Variants in ADAM7 observed in about 807,000 individuals in gnomAD.
ADAM7 encodes the protein ADAM metallopeptidase domain 7.
ADAM7 carries 97 observed loss-of-function variants against 102.9 expected under a neutral mutation model. The ratio of observed to expected loss-of-function variants is 0.94; its 90% CI spans 0.80 to 1.12. The LOEUF (loss-of-function observed/expected upper bound fraction) is 1.12. Ranked by LOEUF, ADAM7 falls within the 50% of genes most tolerant of loss-of-function variation. The pLI is 0.00. For synonymous variants in ADAM7, 334 were observed against 304.4 expected (o/e 1.10, Z -1.01); for missense variants, 991 against 908.7 (o/e 1.09, Z -1.16).
chr8:24,508,422 T>A, intron 21 of ADAM7, 124 bp from the exon 22 acceptor site: 1 of 937,748 alleles, frequency 1.1e-6, no homozygotes, highest in Non-Finnish European at 1.6e-6. Flanking sequence ...AAAGCATGAA[T>A]AAATGTAGGA....
At chr8:24,486,184 C>A (rs574236933) in intron 10 of ADAM7, among the ~76,000 whole-genome samples, 19 of 152,240 alleles carry the variant, frequency 1.2e-4, no homozygotes, top group African/African-American at 4.6e-4. Flanking sequence ...ACATTTTAAA[C>A]TTTATATGAG....
In ADAM7 at chr8:24,491,887, T is replaced by A. The variant is rs771134729; in HGVS notation, c.1357-16T>A. 15 of 1,570,576 alleles carry A rather than the reference T, an allele frequency of 9.6e-6. No individual in the cohort carries two copies. The highest frequency in any genetic ancestry group is 1.2e-5 in the Non-Finnish European group (14 of 1,158,648). On this transcript the variant is annotated splice_polypyrimidine_tract_variant and intron_variant, in intron 13 of 21. Coordinates refer to ENST00000175238, the MANE Select transcript of ADAM7 (RefSeq NM_003817.4). ...AAATGTATCCAGGATTTAGTCTCTT[T>A]GTTTTTCCTCAACAGATAAAAAAAG...
At position 24,455,101 on chromosome 8, in the gene ADAM7, T is replaced by C. The variant is rs1045179740; in HGVS notation, c.233+7839T>C. ...AAACAACCACAAAATAATTATATTC[T>C]ATTTACCTGTTGCATCTAGTTAATG... On this transcript the variant is annotated intron_variant, in intron 3 of 21. Transcript: ENST00000175238. Among the ~76,000 whole-genome samples the C allele has an allele frequency of 2.6e-5, 4 of 152,200 alleles. No individual in the cohort carries two copies. In the South Asian group the frequency reaches 8.3e-4, roughly 32 times the overall value.
In ADAM7 at chr8:24,509,501, T is replaced by A. The variant is rs961915569; in HGVS notation, c.*955T>A. The A allele has an allele frequency of 6.0e-5, 59 of 983,948 alleles. No homozygotes were observed. The highest frequency in any genetic ancestry group is 6.9e-5 in the Non-Finnish European group (57 of 828,710). 61.0% of individuals were successfully genotyped at this position (983,948 alleles called of 1,614,324 possible). ...TTTTCCATTTACTGAAATAAAGTTT[T>A]CAAGTTCTAAATAAAAATATTCTGA... On this transcript the variant is annotated 3_prime_UTR_variant, in exon 22 of 22. Coordinates refer to ENST00000175238, the MANE Select transcript of ADAM7 (RefSeq NM_003817.4).
In ADAM7 at chr8:24,466,950, C is replaced by T; in HGVS notation, c.541C>T (p.Pro181Ser). 1 of 1,613,842 alleles carries T rather than the reference C, an allele frequency of 6.2e-7. No individual in the cohort carries two copies. ...GCTTAATTTTACCAGAAAAACTGTT[C>T]CAGGGGATAATGAATCTGAAGAAGA... ...TELNFTRKTV[P>S]GDNESEEDSK... Residue 181 changes from proline (P) to serine (S), a missense_variant, in exon 6 of 22, where the codon CCA (proline) becomes TCA (serine). Transcript: ENST00000175238.
intron 3 of ADAM7, among the ~76,000 whole-genome samples, chr8:24,450,515 T>C (rs1818741485): frequency 6.6e-6 from 1 of 152,080 alleles, no homozygotes; most frequent in African/African-American, 2.4e-5. Context: ...CCTGAGACTT[T>C]GCTGAAGTTG....
In ADAM7 at chr8:24,490,908, G is replaced by A; in HGVS notation, c.1356+20G>A. On this transcript the variant is annotated intron_variant, in intron 13 of 21. Coordinates refer to ENST00000175238, the MANE Select transcript of ADAM7 (RefSeq NM_003817.4). ...TGTCAGGTAAGGTCATGTGCCAGGAGAAGGTTTTTTTTTTTCAGTTTAAGA... is the reference window on the plus strand; with the variant it reads ...TGTCAGGTAAGGTCATGTGCCAGGAAAAGGTTTTTTTTTTTCAGTTTAAGA... 2 of 1,605,448 alleles carry A rather than the reference G, an allele frequency of 1.2e-6. No individual in the cohort carries two copies.
At chr8:24,446,860 CTATAT>C in intron 2 of ADAM7, among the ~76,000 whole-genome samples, 1 of 148,556 alleles carries the variant, frequency 6.7e-6, no homozygotes, top group Admixed American at 6.8e-5. Flanking sequence ...TTATATTAAA[CTATAT>C]TATAACATGC....
At position 24,481,649 on chromosome 8, in the gene ADAM7, G is replaced by T. The variant is rs568057222; in HGVS notation, c.706-493G>T. 2.0e-5 allele frequency among the ~76,000 whole-genome samples: 3 copies of T among 152,240 alleles called. No homozygotes were observed. In the East Asian group the frequency reaches 5.8e-4, roughly 29 times the overall value. On this transcript the variant is annotated intron_variant, in intron 8 of 21. Transcript: ENST00000175238. ...GAGCAACCCCTAATGACATTTCTCA[G>T]ATTAAATAAAAAGGTAGTTACAAAA...
chr8:24,499,822 ACACAC>A (rs1820690102), intron 17 of ADAM7, among the ~76,000 whole-genome samples: 1 of 135,528 alleles, frequency 7.4e-6, no homozygotes, highest in Non-Finnish European at 1.6e-5. Flanking sequence ...ACACACACAC[ACACAC>A]ATCACACATC....
chr8:24,505,358 A>G (rs10086380), intron 20 of ADAM7, among the ~76,000 whole-genome samples: 1 of 152,140 alleles, frequency 6.6e-6, no homozygotes, highest in African/African-American at 2.4e-5. Flanking sequence ...AGAAGAGAAG[A>G]TGAATAAATA....
intron 3 of ADAM7, among the ~76,000 whole-genome samples, chr8:24,447,654 C>G (rs1486492178): frequency 6.6e-6 from 1 of 152,148 alleles, no homozygotes; most frequent in Non-Finnish European, 1.5e-5. Context: ...GCAGAGTAAA[C>G]TAAGAAATGT....
intron 3 of ADAM7, among the ~76,000 whole-genome samples, chr8:24,447,706 T>A (rs1818614910): frequency 6.6e-6 from 1 of 152,136 alleles, no homozygotes; most frequent in Non-Finnish European, 1.5e-5. Context: ...AACCAAATAG[T>A]GTAATTGCAA....
chr8:24,471,798 T>C (rs1247716708), intron 7 of ADAM7, among the ~76,000 whole-genome samples: 1 of 151,964 alleles, frequency 6.6e-6, no homozygotes, highest in Non-Finnish European at 1.5e-5. Context: ...GAAAAAAATA[T>C]GTGAAGGTAA....
At position 24,463,904 on chromosome 8, in the gene ADAM7, A is replaced by G; in HGVS notation, c.256A>G (p.Ser86Gly). The change falls in exon 4 of 22, where the codon AGT becomes GGT. Residue 86 changes from serine (S) to glycine (G), a missense_variant. Physicochemically the swap from Ser to Gly is moderately conservative, Grantham distance 56 (BLOSUM62 0). Coordinates refer to ENST00000175238, the MANE Select transcript of ADAM7 (RefSeq NM_003817.4). ...RSREFLGSNY[S>G]ETFYSMKGEA... ...CAGGGAGTTCCTAGGCTCAAATTAC[A>G]GTGAAACATTCTACTCCATGAAAGG... 3 of 1,613,804 alleles carry G rather than the reference A, an allele frequency of 1.9e-6. No homozygotes were observed. Among genetic ancestry groups the G allele is most frequent in the Non-Finnish European group, 2.5e-6 (3 of 1,179,826 alleles).
At position 24,463,915 on chromosome 8, in the gene ADAM7, C is replaced by T; in HGVS notation, c.267C>T (p.Phe89=). The change falls in exon 4 of 22, where the codon TTC becomes TTT. Residue 89 remains phenylalanine, a synonymous_variant. Transcript: ENST00000175238. ...EFLGSNYSET[F]YSMKGEAFTR... Reference sequence around the variant, plus strand: ...TAGGCTCAAATTACAGTGAAACATTCTACTCCATGAAAGGAGAAGCGTTCA... The same window carrying T: ...TAGGCTCAAATTACAGTGAAACATTTTACTCCATGAAAGGAGAAGCGTTCA... 2.5e-6 allele frequency: 4 copies of T among 1,613,824 alleles called. No individual in the cohort carries two copies. Among genetic ancestry groups the T allele is most frequent in the Non-Finnish European group, 3.4e-6 (4 of 1,179,844 alleles).
chr8:24,496,686 G>T (rs909187110), intron 16 of ADAM7, among the ~76,000 whole-genome samples: 9 of 152,220 alleles, frequency 5.9e-5, no homozygotes, highest in African/African-American at 2.2e-4. Flanking sequence ...AGACTTACAT[G>T]GGGCCTATTA....
At chr8:24,506,785 ACACAC>A (rs1820965434) in intron 20 of ADAM7, among the ~76,000 whole-genome samples, 3 of 151,620 alleles carry the variant, frequency 2.0e-5, no homozygotes, top group Non-Finnish European at 4.4e-5. Context: ...ACACACACAC[ACACAC>A]AAAATAGAAC....
chr8:24,462,617 T>C (rs1365857628), intron 3 of ADAM7, among the ~76,000 whole-genome samples: 1 of 152,182 alleles, frequency 6.6e-6, no homozygotes, highest in African/African-American at 2.4e-5. Flanking sequence ...ATCCTTGAGG[T>C]ACTTTCTTTT....
Sources: allele counts gnomAD v4.1 joint callset (sites outside exome capture counted in the v4.1 genomes callset), GRCh38; gene constraint gnomAD v4.1.1; transcripts MANE v1.5; gene names NCBI Gene and HGNC (gene_info 2026-07-23, HGNC 2026-07-21).